The following LRBA variants were observed in gnomAD, a reference collection of about 807,000 sequenced individuals.
The protein encoded by LRBA is lipopolysaccharide-responsive and beige-like anchor protein.
In LRBA, 176 loss-of-function variants were observed where a neutral mutation model predicts 330.0. The ratio of observed to expected loss-of-function variants is 0.53; its 90% CI spans 0.47 to 0.60. The LOEUF (loss-of-function observed/expected upper bound fraction) is 0.60, where lower values mean the gene tolerates loss of function less well. Ranked by LOEUF, LRBA falls within the 20% of genes least tolerant of loss-of-function variation. The pLI, the probability that LRBA is intolerant of heterozygous loss-of-function variation, is 0.00. For missense variants in LRBA, 3,259 were observed against 3,444.8 expected (o/e 0.95, Z 1.35); for synonymous variants, 1,230 against 1,193.0 (o/e 1.03, Z -0.64).
intron 37 of LRBA, among the ~76,000 whole-genome samples, chr4:150,662,701 C>G (rs954979526): frequency 6.6e-6 from 1 of 152,190 alleles, no homozygotes; most frequent in East Asian, 1.9e-4. Flanking sequence ...AGGCCAGTAC[C>G]TCAGGCCTGT....
chr4:150,662,465 C>T (rs562104209), intron 37 of LRBA, among the ~76,000 whole-genome samples: 2 of 152,230 alleles, frequency 1.3e-5, no homozygotes, highest in Admixed American at 6.5e-5. Flanking sequence ...TGCCTCAAAC[C>T]AATTAAATCC....
At chr4:150,788,262 T>C (rs1244572835) in intron 34 of LRBA, among the ~76,000 whole-genome samples, 1 of 140,540 alleles carries the variant, frequency 7.1e-6, no homozygotes, top group Non-Finnish European at 1.6e-5. Flanking sequence ...TTTTTTTTTT[T>C]TTTTTTTGGT....
intron 40 of LRBA, among the ~76,000 whole-genome samples, chr4:150,514,898 G>A (rs987215160): frequency 6.6e-6 from 1 of 152,156 alleles, no homozygotes; most frequent in African/African-American, 2.4e-5. Context: ...GGGACGACTT[G>A]CCTGGTAGTG....
chr4:150,939,743 A>C (rs1461883443), intron 2 of LRBA, among the ~76,000 whole-genome samples: 2 of 152,162 alleles, frequency 1.3e-5, no homozygotes, highest in South Asian at 4.1e-4. Context: ...CCTTCCTACA[A>C]CACCGTACTC....
chr4:150,375,987 A>T (rs543121984), intron 47 of LRBA, among the ~76,000 whole-genome samples: 1 of 152,326 alleles, frequency 6.6e-6, no homozygotes, highest in East Asian at 1.9e-4. Context: ...CCCTGGAGCT[A>T]GATCAAAGGT....
intron 40 of LRBA, among the ~76,000 whole-genome samples, chr4:150,535,205 C>T (rs1764514725): frequency 6.6e-6 from 1 of 152,130 alleles, no homozygotes; most frequent in Non-Finnish European, 1.5e-5. Flanking sequence ...GCAAGCCTTG[C>T]TCACTGAAGC....
At chr4:150,573,776 G>C (rs1770182981) in intron 40 of LRBA, among the ~76,000 whole-genome samples, 1 of 152,156 alleles carries the variant, frequency 6.6e-6, no homozygotes, top group Admixed American at 6.6e-5. Flanking sequence ...ATGCTTGTCA[G>C]ATCTTCTGAT....
chr4:150,391,265 C>T lies in LRBA; in HGVS notation c.7194+24173G>A, dbSNP rs189475101. 1.5e-3 allele frequency among the ~76,000 whole-genome samples: 228 copies of T among 152,302 alleles called. 2 individuals carry two copies. The highest frequency in any genetic ancestry group is 5.3e-3 in the African/African-American group (219 of 41,564). On this transcript the variant is annotated intron_variant, in intron 47 of 56. Transcript: ENST00000651943. Reference sequence around the variant, plus strand: ...AGGAACCCGGGTCCTTTGATGACATCATGGATTCAATTTGCTCTAATTCCT... The same window carrying T: ...AGGAACCCGGGTCCTTTGATGACATTATGGATTCAATTTGCTCTAATTCCT...
At chr4:150,589,072 C>CAG (rs368551241) in intron 39 of LRBA, among the ~76,000 whole-genome samples, 183 of 148,838 alleles carry the variant, frequency 1.2e-3, no homozygotes, top group Middle Eastern at 3.5e-3. Context: ...CACACACACA[C>CAG]AGAGAGAGAG....
chr4:150,805,877 T>C (rs1263869359), intron 33 of LRBA, among the ~76,000 whole-genome samples: 2 of 152,154 alleles, frequency 1.3e-5, no homozygotes, highest in African/African-American at 4.8e-5. Context: ...GTTATCTCTA[T>C]TTGTAAAACA....
At chr4:150,814,319 T>C (rs1187896023) in intron 31 of LRBA, among the ~76,000 whole-genome samples, 9 of 151,814 alleles carry the variant, frequency 5.9e-5, no homozygotes, top group Admixed American at 5.9e-4. Context: ...CATGTGAAAA[T>C]GAGTACTAAC....
intron 47 of LRBA, among the ~76,000 whole-genome samples, chr4:150,363,788 T>TTGAA (rs1161868371): frequency 5.3e-5 from 8 of 152,218 alleles, no homozygotes; most frequent in Admixed American, 4.6e-4. Context: ...TACATGTCTG[T>TTGAA]TGAATGAATG....
chr4:150,777,375 AAGAAT>A (rs565231106), intron 34 of LRBA, among the ~76,000 whole-genome samples: 152 of 147,422 alleles, frequency 1.0e-3, no homozygotes, highest in African/African-American at 3.7e-3. Context: ...ATTTATATTA[AAGAAT>A]AAAGAAAAAA....
intron 2 of LRBA, among the ~76,000 whole-genome samples, chr4:150,985,773 C>T (rs1298849943): frequency 6.6e-6 from 1 of 152,154 alleles, no homozygotes; most frequent in East Asian, 1.9e-4. Context: ...GCTGGGATTA[C>T]AGGCGTGAGC....
At chr4:150,830,468 TAGTC>T (rs749644417) in intron 29 of LRBA, among the ~76,000 whole-genome samples, 37 of 152,166 alleles carry the variant, frequency 2.4e-4, no homozygotes, top group Non-Finnish European at 5.9e-5. Flanking sequence ...TCAGCTGTTT[TAGTC>T]AGTCAGTCTC....
chr4:150,411,058 G>T (rs369962328), intron 47 of LRBA, among the ~76,000 whole-genome samples: 45 of 152,132 alleles, frequency 3.0e-4, no homozygotes, highest in African/African-American at 1.1e-3. Flanking sequence ...CCTAGTTCAG[G>T]TAATAGTAGA....
At chr4:150,748,425 T>C (rs969249907) in intron 35 of LRBA, among the ~76,000 whole-genome samples, 1 of 152,052 alleles carries the variant, frequency 6.6e-6, no homozygotes, top group Admixed American at 6.5e-5. Context: ...TCCCAACACT[T>C]TGGGAGGCCA....
chr4:150,348,144 T>C (rs1284852184), intron 48 of LRBA, among the ~76,000 whole-genome samples: 3 of 152,164 alleles, frequency 2.0e-5, no homozygotes, highest in African/African-American at 4.8e-5. Context: ...CACAGTAAAC[T>C]TCCTTAAACA....
chr4:150,500,010 A>G lies in LRBA; in HGVS notation c.6331-8975T>C, dbSNP rs6816929. On this transcript the variant is annotated intron_variant, in intron 40 of 56. Coordinates refer to ENST00000651943, the MANE Select transcript of LRBA (RefSeq NM_001364905.1). ...AAGATTTGTTAAAAGATACAAAATT[A>G]CAGTTAGACAGTAATAAGTTCTAGT... Among the ~76,000 whole-genome samples, 3 of 152,276 alleles carry G rather than the reference A, an allele frequency of 2.0e-5. No individual in the cohort carries two copies. In the South Asian group the frequency reaches 6.2e-4, roughly 32 times the overall value.
Sources: allele counts gnomAD v4.1 joint callset (sites outside exome capture counted in the v4.1 genomes callset), GRCh38; gene constraint gnomAD v4.1.1; transcripts MANE v1.5; gene names NCBI Gene and HGNC (gene_info 2026-07-23, HGNC 2026-07-21).